The following TMEM132C variants were observed in gnomAD, a reference collection of about 807,000 sequenced individuals.
TMEM132C encodes the protein transmembrane protein 132C, also known as protein phosphatase 1, regulatory subunit 152.
Under a neutral mutation model 61.4 loss-of-function variants are expected in TMEM132C, and 29 were observed. That is an observed-to-expected ratio of 0.47 (90% CI 0.35 to 0.64). The LOEUF is 0.64. TMEM132C is among the 30% of genes least tolerant of loss of function. The pLI is 0.00. For missense variants in TMEM132C, 1,408 were observed against 1,476.9 expected, an observed-to-expected ratio of 0.95 and a Z score of 0.76; for synonymous variants, 656 against 633.1, an observed-to-expected ratio of 1.04 and a Z score of -0.54.
intron 1 of TMEM132C, among the ~76,000 whole-genome samples, chr12:128,284,374 T>G (rs978609030): frequency 6.6e-5 from 10 of 152,198 alleles, no homozygotes; most frequent in African/African-American, 2.4e-4. Context: ...ATAAGCACAT[T>G]TGTTAGTCCT....
intron 4 of TMEM132C, among the ~76,000 whole-genome samples, chr12:128,629,476 CA>C (rs201873790): frequency 2.7e-5 from 4 of 150,008 alleles, no homozygotes; most frequent in African/African-American, 9.8e-5. Flanking sequence ...TGTCTCAAAA[CA>C]AAAAAAAACC....
At chr12:128,534,271 T>C (rs1038247147) in intron 2 of TMEM132C, among the ~76,000 whole-genome samples, 5 of 152,206 alleles carry the variant, frequency 3.3e-5, no homozygotes, top group African/African-American at 1.2e-4. Flanking sequence ...CAACGTGCCT[T>C]GTAGATGGCG....
chr12:128,697,431 C>A lies in TMEM132C; in HGVS notation c.2121+16C>A. On this transcript the variant is annotated intron_variant, in intron 8 of 8. Transcript: ENST00000435159. ...CCCCAAACAGGTAGGGGGCCAAATG[C>A]CAGAGGTTCAGAGGGAGCAGGGTCA... 1 of 1,522,306 alleles carries A rather than the reference C, an allele frequency of 6.6e-7. No homozygotes were observed. The highest frequency in any genetic ancestry group is 8.9e-7 in the Non-Finnish European group (1 of 1,125,872). The allele number at this position is 1,522,306 out of a possible 1,614,324, so 94.3% of individuals were successfully genotyped here.
chr12:128,665,485 A>G (rs1954451156), intron 4 of TMEM132C, among the ~76,000 whole-genome samples: 1 of 151,188 alleles, frequency 6.6e-6, no homozygotes, highest in Non-Finnish European at 1.5e-5. Flanking sequence ...GCGCACACAC[A>G]CACAGAGGCA....
chr12:128,601,447 C>T (rs1242575031), intron 3 of TMEM132C, among the ~76,000 whole-genome samples: 1 of 152,170 alleles, frequency 6.6e-6, no homozygotes, highest in African/African-American at 2.4e-5. Context: ...TCCTTGCTGC[C>T]ATGGGACTCA....
At chr12:128,580,336 G>A (rs11611308) in intron 3 of TMEM132C, among the ~76,000 whole-genome samples, 1 of 151,976 alleles carries the variant, frequency 6.6e-6, no homozygotes, top group African/African-American at 2.4e-5. Context: ...CAGGAGAATG[G>A]CATGAACCTG....
intron 1 of TMEM132C, among the ~76,000 whole-genome samples, chr12:128,354,724 C>T (rs1395410244): frequency 6.6e-6 from 1 of 152,184 alleles, no homozygotes; most frequent in East Asian, 1.9e-4. Context: ...ACTTTACCTG[C>T]AGACATTATG....
chr12:128,453,991 G>A (rs1480038762), intron 2 of TMEM132C, among the ~76,000 whole-genome samples: 2 of 152,244 alleles, frequency 1.3e-5, no homozygotes, highest in East Asian at 3.9e-4. Context: ...ACAGAAGGAG[G>A]CAAAAGACCT....
At chr12:128,295,003 GTAGA>G (rs1044581099) in intron 1 of TMEM132C, among the ~76,000 whole-genome samples, 6 of 91,872 alleles carry the variant, frequency 6.5e-5, no homozygotes, top group African/African-American at 9.1e-5. Flanking sequence ...AGATAGATAG[GTAGA>G]TAGATAAGAA....
intron 2 of TMEM132C, among the ~76,000 whole-genome samples, chr12:128,497,841 C>A (rs1216673585): frequency 6.6e-6 from 1 of 152,160 alleles, no homozygotes; most frequent in Non-Finnish European, 1.5e-5. Flanking sequence ...GTCCTGCCCC[C>A]AATGTCTGAC....
intron 2 of TMEM132C, among the ~76,000 whole-genome samples, chr12:128,446,810 T>A (rs1162042099): frequency 6.6e-6 from 1 of 152,220 alleles, no homozygotes; most frequent in African/African-American, 2.4e-5. Flanking sequence ...AATGCCATCA[T>A]ACTTTGCCTC....
intron 1 of TMEM132C, among the ~76,000 whole-genome samples, chr12:128,378,796 C>G (rs1465141697): frequency 1.3e-5 from 2 of 152,104 alleles, no homozygotes; most frequent in African/African-American, 4.8e-5. Flanking sequence ...AATTATAGTT[C>G]TCATAATCCC....
chr12:128,298,040 C>T (rs888706823), intron 1 of TMEM132C, among the ~76,000 whole-genome samples: 4 of 152,168 alleles, frequency 2.6e-5, no homozygotes, highest in Non-Finnish European at 4.4e-5. Context: ...AATCTCACCC[C>T]GCCTTTAGCT....
At chr12:128,477,722 G>GGCACCCGCCGTC (rs1405686303) in intron 2 of TMEM132C, among the ~76,000 whole-genome samples, 2 of 152,120 alleles carry the variant, frequency 1.3e-5, no homozygotes, top group Admixed American at 6.5e-5. Flanking sequence ...TGGGATTATA[G>GGCACCCGCCGTC]GCACCCGCCG....
chr12:128,436,974 G>T (rs577646585), intron 2 of TMEM132C, among the ~76,000 whole-genome samples: 143 of 152,234 alleles, frequency 9.4e-4, no homozygotes, highest in African/African-American at 3.2e-3. Flanking sequence ...CCATAAAAAA[G>T]GATGAGTTCA....
intron 3 of TMEM132C, among the ~76,000 whole-genome samples, chr12:128,586,623 T>G (rs1419737031): frequency 6.6e-6 from 1 of 152,256 alleles, no homozygotes. Flanking sequence ...TGTATCTTCC[T>G]TGTTTTGTTC....
Position 128,489,427 on chromosome 12 carries a change from G to A in TMEM132C, c.975-54530G>A, listed in dbSNP as rs111503414. On this transcript the variant is annotated intron_variant, in intron 2 of 8. Transcript: ENST00000435159. ...AGCTGCTGTAGCACAGAGCGTTTAA[G>A]GGCTTGCTACTGTGTTACCGTGATG... 5.2e-3 allele frequency among the ~76,000 whole-genome samples: 789 copies of A among 151,786 alleles called. 8 individuals are homozygous for A. The highest frequency in any genetic ancestry group is 0.018 in the African/African-American group (756 of 41,430).
chr12:128,340,884 CTTTTT>C (rs1565906090), intron 1 of TMEM132C, among the ~76,000 whole-genome samples: 1 of 122,510 alleles, frequency 8.2e-6, no homozygotes, highest in African/African-American at 3.3e-5. Context: ...TTTCTTTTTT[CTTTTT>C]CTTTCTTTCT....
At chr12:128,668,338 T>G (rs1031432049) in intron 4 of TMEM132C, among the ~76,000 whole-genome samples, 3 of 152,116 alleles carry the variant, frequency 2.0e-5, no homozygotes, top group Non-Finnish European at 2.9e-5. Context: ...TGACAGCATA[T>G]AAGACATTGT....
Sources: allele counts gnomAD v4.1 joint callset (sites outside exome capture counted in the v4.1 genomes callset), GRCh38; gene constraint gnomAD v4.1.1; transcripts MANE v1.5; gene names NCBI Gene and HGNC (gene_info 2026-07-23, HGNC 2026-07-21).